Variants in SPAG9 observed in about 807,000 individuals in gnomAD.
The protein encoded by SPAG9 is C-Jun-amino-terminal kinase-interacting protein 4.
In SPAG9, 35 loss-of-function variants were observed where a neutral mutation model predicts 166.5. The observed-to-expected ratio is 0.21, with a 90% confidence interval of 0.16 to 0.28. SPAG9 has a LOEUF of 0.28. SPAG9 is among the 10% of genes least tolerant of loss of function. SPAG9 has a pLI of 1.00. For missense variants in SPAG9, 1,235 were observed against 1,603.3 expected (o/e 0.77, Z 3.92); for synonymous variants, 534 against 565.5 (o/e 0.94, Z 0.79).
chr17:50,969,343 C>T (rs929089495), intron 29 of SPAG9, among the ~76,000 whole-genome samples: 1 of 152,164 alleles, frequency 6.6e-6, no homozygotes, highest in African/African-American at 2.4e-5. Flanking sequence ...TCCCTCCAGA[C>T]CTGCTTCTCC....
At chr17:50,980,088 TAAAG>T (rs1974484741) in intron 25 of SPAG9, among the ~76,000 whole-genome samples, 171 bp from the exon 26 acceptor site, 1 of 152,136 alleles carries the variant, frequency 6.6e-6, no homozygotes, top group African/African-American at 2.4e-5. Context: ...ATGCAAAAAA[TAAAG>T]AACTAAGAAC....
chr17:51,060,794 G>T (rs890759077), intron 2 of SPAG9, among the ~76,000 whole-genome samples: 1 of 151,688 alleles, frequency 6.6e-6, no homozygotes, highest in Admixed American at 6.6e-5. Flanking sequence ...TTGTTATGGC[G>T]GCCCTAGCTG....
intron 1 of SPAG9, among the ~76,000 whole-genome samples, chr17:51,106,297 T>G (rs1265426774): frequency 6.6e-6 from 1 of 152,016 alleles, no homozygotes; most frequent in Non-Finnish European, 1.5e-5. Flanking sequence ...AGCAAGACCG[T>G]GTCTCAAAAT....
At chr17:51,012,857 C>A (rs2045548267) in intron 9 of SPAG9, among the ~76,000 whole-genome samples, 1 of 151,582 alleles carries the variant, frequency 6.6e-6, no homozygotes. Flanking sequence ...AAGCCATCCT[C>A]ACACCTCAGC....
intron 3 of SPAG9, among the ~76,000 whole-genome samples, chr17:51,054,319 C>T (rs1023302393): frequency 8.6e-5 from 13 of 151,568 alleles, no homozygotes; most frequent in Admixed American, 8.5e-4. Flanking sequence ...GTCGGGGTTT[C>T]ACCATGTTGC....
chr17:51,055,334 C>G (rs886601002), intron 3 of SPAG9, among the ~76,000 whole-genome samples: 2 of 151,716 alleles, frequency 1.3e-5, no homozygotes, highest in African/African-American at 2.4e-5. Flanking sequence ...GCTTGGGCAA[C>G]AGAGCAAGAC....
chr17:50,979,555 T>C (rs1479340583), intron 26 of SPAG9, among the ~76,000 whole-genome samples, 191 bp downstream of exon 26: 1 of 151,372 alleles, frequency 6.6e-6, no homozygotes, highest in Non-Finnish European at 1.5e-5. Context: ...TCCCAGCTAC[T>C]CCGGAGGCTG....
In SPAG9 at chr17:51,014,541, C is replaced by T. The variant is rs1038063383; in HGVS notation, c.1092-188G>A. ...TTCTCACTAAGCTCCATGGAAATAGCTGGTGAAGAAATTATAGAATGTTTT... is the reference window on the plus strand; with the variant it reads ...TTCTCACTAAGCTCCATGGAAATAGTTGGTGAAGAAATTATAGAATGTTTT... On this transcript the variant is annotated intron_variant, in intron 8 of 29. Transcript: ENST00000262013. The T allele has an allele frequency of 2.1e-5, 10 of 485,738 alleles. No individual in the cohort carries two copies. The East Asian group carries it at 3.3e-4, about 16-fold the overall frequency. 30.1% of individuals were successfully genotyped at this position (485,738 alleles called of 1,614,324 possible). A position where few individuals can be genotyped will look rare whatever the true frequency, so the allele number is the denominator to read the frequency against.
At chr17:51,115,533 C>G (rs2049261938) in intron 1 of SPAG9, among the ~76,000 whole-genome samples, 1 of 151,466 alleles carries the variant, frequency 6.6e-6, no homozygotes, top group South Asian at 2.1e-4. Context: ...GAGTCTATCT[C>G]AAAAAGGAGG....
At chr17:51,090,882 T>A (rs1265736349) in intron 1 of SPAG9, among the ~76,000 whole-genome samples, 1 of 152,174 alleles carries the variant, frequency 6.6e-6, no homozygotes, top group African/African-American at 2.4e-5. Context: ...CATTTCAAAC[T>A]CTGAATATGA....
chr17:51,049,415 C>T (rs866223072), intron 3 of SPAG9, among the ~76,000 whole-genome samples: 6 of 151,952 alleles, frequency 3.9e-5, no homozygotes, highest in Non-Finnish European at 7.4e-5. Flanking sequence ...GTAGCTAATG[C>T]CTGTAATCCC....
intron 1 of SPAG9, among the ~76,000 whole-genome samples, chr17:51,097,099 G>A (rs1157497438): frequency 6.6e-6 from 1 of 152,202 alleles, no homozygotes; most frequent in African/African-American, 2.4e-5. Context: ...ACGTAGTGAC[G>A]CCTCCATAAA....
At chr17:51,074,354 G>A (rs1377319468) in intron 2 of SPAG9, among the ~76,000 whole-genome samples, 1 of 152,234 alleles carries the variant, frequency 6.6e-6, no homozygotes, top group Non-Finnish European at 1.5e-5. Context: ...GAACCCAGGA[G>A]GCAGAGTGAA....
At chr17:50,991,712 C>T (rs991882825) in intron 19 of SPAG9, among the ~76,000 whole-genome samples, 8 of 151,736 alleles carry the variant, frequency 5.3e-5, no homozygotes, top group African/African-American at 1.9e-4. Context: ...CAACCTCTGC[C>T]TCCCAGGTTC....
chr17:50,981,688 A>G (rs1974652480), intron 25 of SPAG9, among the ~76,000 whole-genome samples: 1 of 151,408 alleles, frequency 6.6e-6, no homozygotes, highest in African/African-American at 2.4e-5. Context: ...GTCCCCCTAA[A>G]CAATTAGAAT....
intron 1 of SPAG9, among the ~76,000 whole-genome samples, chr17:51,112,010 A>C (rs930702546): frequency 6.6e-6 from 1 of 152,086 alleles, no homozygotes; most frequent in African/African-American, 2.4e-5. Flanking sequence ...ATTTAAAAAA[A>C]GATGTCTTAA....
At chr17:51,055,633 T>C (rs73346162) in intron 3 of SPAG9, among the ~76,000 whole-genome samples, 7,268 of 151,972 alleles carry the variant, frequency 0.048, 399 homozygotes, top group East Asian at 0.19. Flanking sequence ...ACTGGAACCA[T>C]ATGTATCATG....
At chr17:51,104,214 C>G (rs1465938886) in intron 1 of SPAG9, among the ~76,000 whole-genome samples, 2 of 152,162 alleles carry the variant, frequency 1.3e-5, no homozygotes, top group Non-Finnish European at 2.9e-5. Flanking sequence ...TAAGATGAAT[C>G]TGAAACTCCA....
intron 28 of SPAG9, among the ~76,000 whole-genome samples, chr17:50,973,094 A>G (rs1029390292): frequency 1.3e-5 from 2 of 152,248 alleles, no homozygotes; most frequent in Non-Finnish European, 2.9e-5. Flanking sequence ...AAATGAATAA[A>G]CTAGATTTTT....
Sources: gnomAD v4.1 joint callset for allele counts (sites outside exome capture counted in the v4.1 genomes callset) on GRCh38, gnomAD v4.1.1 for gene constraint, MANE v1.5 for transcripts, NCBI Gene and HGNC (gene_info 2026-07-23, HGNC 2026-07-21) for gene names.